MARCHF1: variants seen among roughly 807,000 people sequenced by gnomAD.
MARCHF1 encodes membrane associated ring-CH-type finger 1.
In MARCHF1, 40 loss-of-function variants were observed where a neutral mutation model predicts 54.2. That is an observed-to-expected ratio of 0.74 (90% CI 0.57 to 0.96). MARCHF1 has a LOEUF of 0.96. MARCHF1 is among the 40% of genes least tolerant of loss of function. The pLI is 0.00. For synonymous variants in MARCHF1, 236 were observed against 236.3 expected, an observed-to-expected ratio of 1.00 and a Z score of 0.01; for missense variants, 586 against 656.5, an observed-to-expected ratio of 0.89 and a Z score of 1.17.
intron 2 of MARCHF1, among the ~76,000 whole-genome samples, chr4:164,040,370 C>T (rs1463887683): frequency 2.1e-5 from 3 of 141,510 alleles, no homozygotes; most frequent in Non-Finnish European, 4.6e-5. Context: ...TAAATACTTA[C>T]ATATTCTATA....
At chr4:163,882,522 T>C (rs1750439073) in intron 3 of MARCHF1, among the ~76,000 whole-genome samples, 1 of 152,230 alleles carries the variant, frequency 6.6e-6, no homozygotes, top group South Asian at 2.1e-4. Flanking sequence ...TTCATAATTC[T>C]GTGAAATTGT....
At chr4:164,055,836 A>T (rs1368244956) in intron 2 of MARCHF1, among the ~76,000 whole-genome samples, 2 of 152,154 alleles carry the variant, frequency 1.3e-5, no homozygotes, top group Non-Finnish European at 2.9e-5. Context: ...TGGCTCATAA[A>T]AAAGTACCTG....
chr4:164,211,765 G>A (rs148555960), intron 1 of MARCHF1, among the ~76,000 whole-genome samples: 137 of 152,118 alleles, frequency 9.0e-4, no homozygotes, highest in Middle Eastern at 3.4e-3. Flanking sequence ...CTGGGAATGA[G>A]TTGAAGTGAA....
chr4:164,115,059 T>C (rs1479289416), intron 1 of MARCHF1, among the ~76,000 whole-genome samples: 7 of 152,030 alleles, frequency 4.6e-5, no homozygotes, highest in Non-Finnish European at 5.9e-5. Flanking sequence ...TTGCATCTTA[T>C]ATAAGAAAGT....
Position 163,612,999 on chromosome 4 carries a change from C to G in MARCHF1, c.282G>C (p.Glu94Asp). Residue 94 changes from glutamate (E) to aspartate (D), a missense_variant, in exon 7 of 10, where the codon GAG (glutamate) becomes GAC (aspartate). Physicochemically the swap from Glu to Asp is conservative, Grantham distance 45. Transcript: ENST00000514618. Reference sequence around the variant, plus strand: ...TCAGCACCATGACAGGGGTGCAATACTCAAATGACTCTTCTGACATGTCAT... The same window carrying G: ...TCAGCACCATGACAGGGGTGCAATAGTCAAATGACTCTTCTGACATGTCAT... ...ILHDMSEESF[E>D]YCTPVMVLSP... is the part of the protein sequence containing the mutation. 6.6e-7 allele frequency: 1 copy of G among 1,521,190 alleles called. No individual in the cohort carries two copies. The highest frequency in any genetic ancestry group is 2.4e-5 in the East Asian group (1 of 40,854). The allele number at this position is 1,521,190 out of a possible 1,614,324, so 94.2% of individuals were successfully genotyped here.
At chr4:164,164,484 T>C (rs1259805589) in intron 1 of MARCHF1, among the ~76,000 whole-genome samples, 1 of 151,936 alleles carries the variant, frequency 6.6e-6, no homozygotes, top group Non-Finnish European at 1.5e-5. Flanking sequence ...AAATAAACAT[T>C]CAGACCCAGC....
At chr4:164,134,886 A>T (rs1248548478) in intron 1 of MARCHF1, among the ~76,000 whole-genome samples, 1 of 151,990 alleles carries the variant, frequency 6.6e-6, no homozygotes, top group African/African-American at 2.4e-5. Flanking sequence ...TTAATTGAGC[A>T]ACTATATCTC....
At chr4:164,055,896 T>C (rs951278817) in intron 2 of MARCHF1, among the ~76,000 whole-genome samples, 4 of 152,350 alleles carry the variant, frequency 2.6e-5, no homozygotes, top group South Asian at 2.1e-4. Context: ...GATCAATTTA[T>C]TCTTCTTTAG....
At chr4:163,877,988 C>G (rs1466611819) in intron 3 of MARCHF1, among the ~76,000 whole-genome samples, 3 of 152,140 alleles carry the variant, frequency 2.0e-5, no homozygotes, top group African/African-American at 7.2e-5. Flanking sequence ...CACACGCTTT[C>G]AAACATGGAT....
At chr4:163,628,534 G>C (rs1397719921) in intron 5 of MARCHF1, among the ~76,000 whole-genome samples, 4 of 152,200 alleles carry the variant, frequency 2.6e-5, no homozygotes, top group African/African-American at 7.2e-5. Context: ...CATAGTATTA[G>C]AAGCTCTGGC....
chr4:163,997,234 T>C (rs1753094261), intron 2 of MARCHF1, among the ~76,000 whole-genome samples: 1 of 151,994 alleles, frequency 6.6e-6, no homozygotes, highest in Non-Finnish European at 1.5e-5. Context: ...AGTGTTACCC[T>C]ACATGTTGGT....
intron 1 of MARCHF1, among the ~76,000 whole-genome samples, chr4:164,272,194 C>T (rs1232179825): frequency 1.3e-5 from 2 of 151,860 alleles, no homozygotes; most frequent in Non-Finnish European, 2.9e-5. Context: ...ACTGATACAG[C>T]TACTTTATAG....
In MARCHF1 at chr4:163,528,859, T is replaced by C. The variant is rs776937795; in HGVS notation, c.1527A>G (p.Ser509=). 4 of 1,613,348 alleles carry C rather than the reference T, an allele frequency of 2.5e-6. No homozygotes were observed. In the East Asian group the frequency reaches 6.7e-5, roughly 27 times the overall value. ...CTTTGATGTCTGTGTTTACATTACA[T>C]GAGAAGTTCTTCTCCAGTTTTTTGG... ...DTAKKLEKNF[S]CNVNTDIKDA... is the part of the protein sequence containing the mutation. Residue 509 remains serine, a synonymous_variant, in exon 10 of 10, where the codon TCA becomes TCG. Coordinates refer to ENST00000514618, the MANE Select transcript of MARCHF1 (RefSeq NM_001394959.1).
intron 5 of MARCHF1, among the ~76,000 whole-genome samples, chr4:163,645,392 G>C (rs562924387): frequency 2.0e-5 from 3 of 152,158 alleles, no homozygotes; most frequent in Non-Finnish European, 4.4e-5. Flanking sequence ...GCCAAAACAT[G>C]TCTGTAAAGA....
intron 4 of MARCHF1, among the ~76,000 whole-genome samples, chr4:163,788,520 T>C (rs1747681700): frequency 6.6e-6 from 1 of 152,010 alleles, no homozygotes. Context: ...AGTATTTCCC[T>C]GGTTTTCATG....
intron 5 of MARCHF1, among the ~76,000 whole-genome samples, chr4:163,673,780 T>A (rs1456266522): frequency 6.6e-6 from 1 of 152,168 alleles, no homozygotes. Flanking sequence ...GAATTGGAGC[T>A]GGAGAATACA....
At chr4:163,589,598 TAAAG>T (rs572763578) in intron 7 of MARCHF1, among the ~76,000 whole-genome samples, 120 of 152,164 alleles carry the variant, frequency 7.9e-4, no homozygotes, top group African/African-American at 2.5e-3. Context: ...ATCGTGCCAT[TAAAG>T]AAAGAATTAA....
At chr4:163,748,129 C>G (rs1451558689) in intron 4 of MARCHF1, among the ~76,000 whole-genome samples, 3 of 152,206 alleles carry the variant, frequency 2.0e-5, no homozygotes, top group African/African-American at 7.2e-5. Flanking sequence ...CCCACATTCC[C>G]TTGTACTTAC....
Position 164,363,521 on chromosome 4 carries a change from C to T in MARCHF1, c.-323+20349G>A, listed in dbSNP as rs115071615. Among the ~76,000 whole-genome samples the T allele has an allele frequency of 7.3e-4, 111 of 152,064 alleles. 1 individual carries two copies. The highest frequency in any genetic ancestry group is 1.5e-3 in the East Asian group (8 of 5,170). On this transcript the variant is annotated intron_variant, in intron 1 of 9. Transcript: ENST00000514618. ...AGGCCACTAGAGATGTGGATAGTGT[C>T]GATTGACGAAAAGGCATCCACAGGA...
Sources: gnomAD v4.1 joint callset for allele counts (sites outside exome capture counted in the v4.1 genomes callset) on GRCh38, gnomAD v4.1.1 for gene constraint, MANE v1.5 for transcripts, NCBI Gene and HGNC (gene_info 2026-07-23, HGNC 2026-07-21) for gene names.